The following IQSEC2 variants were observed in gnomAD, a reference collection of about 807,000 sequenced individuals.
The protein encoded by IQSEC2 is IQ motif and SEC7 domain-containing protein 2.
Under a neutral mutation model 74.6 loss-of-function variants are expected in IQSEC2, and 6 were observed. The observed-to-expected ratio is 0.08, with a 90% CI of 0.04 to 0.16. The LOEUF (loss-of-function observed/expected upper bound fraction) is 0.16, where lower values mean the gene tolerates loss of function less well. Among genes scored for constraint, IQSEC2 ranks in the 10% least tolerant of loss-of-function variants. The probability of loss-of-function intolerance (pLI) is 1.00; values close to 1 mark genes in which losing one functional copy is unlikely to be tolerated. For synonymous variants in IQSEC2, 494 were observed against 544.5 expected, an observed-to-expected ratio of 0.91 and a Z score of 1.29; for missense variants, 734 against 1,306.2, an observed-to-expected ratio of 0.56 and a Z score of 6.75.
At chrX:53,318,920 C>T (rs1355039623) in intron 1 of IQSEC2, among the ~76,000 whole-genome samples, 1 of 112,987 alleles carries the variant, frequency 8.9e-6, no homozygotes, top group Admixed American at 9.3e-5. Context: ...GGCACACAGT[C>T]GGTCCTCCCG....
chrX:53,278,167 T>C (rs1277636381), intron 2 of IQSEC2, among the ~76,000 whole-genome samples: 2 of 108,058 alleles, frequency 1.9e-5, no homozygotes, highest in Non-Finnish European at 3.8e-5. Flanking sequence ...CCCGCCACCA[T>C]GCCTGACTAA....
intron 8 of IQSEC2, among the ~76,000 whole-genome samples, chrX:53,244,538 A>C (rs932249287): frequency 9.0e-6 from 1 of 110,598 alleles, no homozygotes; most frequent in Non-Finnish European, 1.9e-5. Context: ...AAAAAAAAAA[A>C]AAAAACTCAC....
chrX:53,296,921 G>T (rs1468739373), intron 1 of IQSEC2, among the ~76,000 whole-genome samples: 3 of 111,635 alleles, frequency 2.7e-5, no homozygotes, highest in African/African-American at 9.8e-5. Context: ...CAAGTGTCCT[G>T]CAACTGAACA....
At chrX:53,276,142 T>C (rs1319505986) in intron 2 of IQSEC2, among the ~76,000 whole-genome samples, 1 of 112,175 alleles carries the variant, frequency 8.9e-6, no homozygotes, top group Non-Finnish European at 1.9e-5. Flanking sequence ...TTGGCCAAAT[T>C]AGGAACAAAA....
intron 1 of IQSEC2, among the ~76,000 whole-genome samples, chrX:53,317,866 G>A (rs1345394477): frequency 8.9e-6 from 1 of 112,253 alleles, no homozygotes; most frequent in Non-Finnish European, 1.9e-5. Flanking sequence ...GCATCAACAG[G>A]CCCTCCTGAT....
chrX:53,259,820 AAAC>A (rs2074542326), intron 2 of IQSEC2, among the ~76,000 whole-genome samples: 1 of 111,451 alleles, frequency 9.0e-6, no homozygotes, highest in Non-Finnish European at 1.9e-5. Flanking sequence ...ACAAAAACAA[AAAC>A]AAAACTGTAC....
At chrX:53,266,714 T>C in intron 2 of IQSEC2, 4 of 920,768 alleles carry the variant, frequency 4.3e-6, no homozygotes, top group Non-Finnish European at 5.4e-6. Flanking sequence ...AAGCTCTGCT[T>C]CTCCCACATT....
rs1203928466 is a variant in IQSEC2, at chrX:53,261,459, C to A, written c.738-5398G>T. On this transcript the variant is annotated intron_variant, in intron 2 of 14. Coordinates refer to ENST00000642864, the MANE Select transcript of IQSEC2 (RefSeq NM_001111125.3). Reference sequence around the variant, plus strand: ...GGTCTGGGAGCACCCCCTCTCTGGACTCTTCCCAGCCAGGAGCAAAACATC... The same window carrying A: ...GGTCTGGGAGCACCCCCTCTCTGGAATCTTCCCAGCCAGGAGCAAAACATC... Among the ~76,000 whole-genome samples the A allele has an allele frequency of 3.7e-5, 4 of 108,430 alleles. No homozygotes were observed. The Admixed American group carries it at 4.0e-4, about 11-fold the overall frequency. 94.2% of individuals were successfully genotyped at this position (108,430 alleles called of 115,157 possible). A position where few individuals can be genotyped will look rare whatever the true frequency, so the allele number is the denominator to read the frequency against.
chrX:53,264,268 G>A (rs1028346271), intron 2 of IQSEC2, among the ~76,000 whole-genome samples: 5 of 111,962 alleles, frequency 4.5e-5, no homozygotes, highest in African/African-American at 6.5e-5. Context: ...GCAAAGACAT[G>A]TGTGAGGATG....
chrX:53,305,879 C>G (rs1052044736), intron 1 of IQSEC2, among the ~76,000 whole-genome samples: 1 of 111,166 alleles, frequency 9.0e-6, no homozygotes, highest in African/African-American at 3.3e-5. Flanking sequence ...CATGAACACT[C>G]AAGGAGCGCT....
At chrX:53,242,631 G>A (rs781811220) in intron 9 of IQSEC2, among the ~76,000 whole-genome samples, 1 of 111,445 alleles carries the variant, frequency 9.0e-6, no homozygotes, top group Admixed American at 9.5e-5. Flanking sequence ...TAGAGAACAC[G>A]TCTGATTCAT....
rs372013875 is a variant in IQSEC2 at position 53,279,540 on chromosome X, G to A, written c.737+12355C>T. On this transcript the variant is annotated intron_variant, in intron 2 of 14. Transcript: ENST00000642864. Reference sequence around the variant, plus strand: ...TTTGTCTGGAAGGAGGAGGAATTGGGGGAGGGATGGGTCTAGCTCTTACCT... The same window carrying A: ...TTTGTCTGGAAGGAGGAGGAATTGGAGGAGGGATGGGTCTAGCTCTTACCT... 10 of 986,330 alleles carry A rather than the reference G, an allele frequency of 1.0e-5. No homozygotes were observed. In the African/African-American group the frequency reaches 1.3e-4, roughly 13 times the overall value. The allele number at this position is 986,330 out of a possible 1,213,427, so 81.3% of individuals were successfully genotyped here.
rs1158391435 is a variant in IQSEC2 at position 53,320,966 on chromosome X, T to C, written c.158A>G (p.Gln53Arg). The C allele has an allele frequency of 2.6e-6, 3 of 1,158,325 alleles. No homozygotes were observed. In the Admixed American group the frequency reaches 7.8e-5, roughly 30 times the overall value. ...RIEELEGQLD[Q>R]LTQENRDLRE... ...CAGGTCGCGGTTCTCCTGGGTGAGC[T>C]GGTCCAGCTGGCCCTCCAGCTCCTC... Residue 53 changes from glutamine to arginine, a missense_variant, in exon 1 of 15, where the codon CAG becomes CGG. Gln to Arg is a conservative substitution (Grantham distance 43). Coordinates refer to ENST00000642864, the MANE Select transcript of IQSEC2 (RefSeq NM_001111125.3).
intron 1 of IQSEC2, among the ~76,000 whole-genome samples, chrX:53,314,722 T>C (rs1280981506): frequency 8.9e-6 from 1 of 111,907 alleles, no homozygotes; most frequent in African/African-American, 3.3e-5. Flanking sequence ...AAGAAGACCA[T>C]GCAGGGCAGG....
chrX:53,245,301 G>A (rs1417951000), intron 8 of IQSEC2, among the ~76,000 whole-genome samples: 2 of 109,133 alleles, frequency 1.8e-5, no homozygotes, highest in African/African-American at 6.7e-5. Flanking sequence ...GGTGGCACGC[G>A]CCTATAGTCC....
chrX:53,233,845 C>T lies in IQSEC2; in HGVS notation c.*374G>A, dbSNP rs1482836537. 17 of 296,486 alleles carry T rather than the reference C, an allele frequency of 5.7e-5. No homozygotes were observed. Among genetic ancestry groups the T allele is most frequent in the African/African-American group, 3.3e-4 (12 of 36,412 alleles). 24.4% of individuals were successfully genotyped at this position (296,486 alleles called of 1,213,427 possible). A position where few individuals can be genotyped will look rare whatever the true frequency, so the allele number is the denominator to read the frequency against. ...ACAGCTCCGGACACCTGCCCTTCTC[C>T]GCCAGCCAGAGCTCACAGAGAGCTC... On this transcript the variant is annotated 3_prime_UTR_variant, in exon 15 of 15. Transcript: ENST00000642864.
At chrX:53,296,281 T>A (rs1435590164) in intron 1 of IQSEC2, among the ~76,000 whole-genome samples, 1 of 111,351 alleles carries the variant, frequency 9.0e-6, no homozygotes, top group Non-Finnish European at 1.9e-5. Context: ...GCAATCCACC[T>A]GCCTCAGCCT....
At chrX:53,229,862 G>A (rs975768348), downstream of IQSEC2, 1 of 111,783 alleles carries the variant, frequency 8.9e-6, no homozygotes, top group Non-Finnish European at 1.9e-5. Context: ...CCACTACAAC[G>A]GGGAAAGTGG....
chrX:53,283,211 G>T (rs908993165), intron 2 of IQSEC2, among the ~76,000 whole-genome samples: 1 of 112,017 alleles, frequency 8.9e-6, no homozygotes, highest in Non-Finnish European at 1.9e-5. Flanking sequence ...GCAAGACCCT[G>T]TACAAAAGAA....
Sources: gnomAD v4.1 joint callset for allele counts (sites outside exome capture counted in the v4.1 genomes callset) on GRCh38, gnomAD v4.1.1 for gene constraint, MANE v1.5 for transcripts, NCBI Gene and HGNC (gene_info 2026-07-23, HGNC 2026-07-21) for gene names.